The following CDCA2 variants were observed in gnomAD, a reference collection of about 807,000 sequenced individuals.
The protein encoded by CDCA2 is cell division cycle-associated protein 2.
Under a neutral mutation model 67.0 loss-of-function variants are expected in CDCA2, and 44 were observed. The ratio of observed to expected loss-of-function variants is 0.66; its 90% confidence interval spans 0.52 to 0.84. CDCA2 has a LOEUF of 0.84. Among genes scored for constraint, CDCA2 ranks in the 40% least tolerant of loss-of-function variants. The probability of loss-of-function intolerance (pLI) is 0.00; values close to 1 mark genes in which losing one functional copy is unlikely to be tolerated. For synonymous variants in CDCA2, 447 were observed against 418.7 expected (o/e 1.07, Z -0.82); for missense variants, 1,253 against 1,203.2 (o/e 1.04, Z -0.61).
chr8:25,492,189 A>C (rs1804036544), intron 13 of CDCA2, among the ~76,000 whole-genome samples: 1 of 151,778 alleles, frequency 6.6e-6, no homozygotes, highest in Non-Finnish European at 1.5e-5. Context: ...GGGCTCAATC[A>C]CTTCTCTCAC....
intron 4 of CDCA2, 108 bp from the exon 5 acceptor site, chr8:25,466,067 A>G (rs536346867): frequency 1.0e-6 from 1 of 976,018 alleles, no homozygotes; most frequent in East Asian, 3.0e-5. Context: ...CTGATCTTCA[A>G]AAAGCATATG....
At position 25,483,425 on chromosome 8, in the gene CDCA2, T is replaced by C. The variant is rs1586497617; in HGVS notation, c.1059T>C (p.Asp353=). The change falls in exon 9 of 15, where the codon GAT becomes GAC. Residue 353 remains aspartate, a synonymous_variant. Transcript: ENST00000330560. ...AACACTGTAACAACCTCTATGATGATGATGGGACTCATCCGAGCTTAATCT... is the reference window on the plus strand; with the variant it reads ...AACACTGTAACAACCTCTATGATGACGATGGGACTCATCCGAGCTTAATCT... ...LQEHCNNLYD[D]DGTHPSLISN... 6.2e-7 allele frequency: 1 copy of C among 1,610,578 alleles called. No homozygotes were observed. Among genetic ancestry groups the C allele is most frequent in the Non-Finnish European group, 8.5e-7 (1 of 1,178,470 alleles).
At chr8:25,462,279 G>T in intron 4 of CDCA2, 71 bp downstream of exon 4, 1 of 1,466,844 alleles carries the variant, frequency 6.8e-7, no homozygotes. Flanking sequence ...ACACCTTCTA[G>T]TGCATCTGCT....
Position 25,469,918 on chromosome 8 carries a change from C to A in CDCA2, c.758C>A (p.Thr253Lys). The change falls in exon 7 of 15, where the codon ACA becomes AAA. Residue 253 changes from threonine (T) to lysine (K), a missense_variant. Physicochemically the swap from Thr to Lys is moderately conservative, Grantham distance 78. Transcript: ENST00000330560. ...LSEISSKLGS[T>K]QSGFLVEESL... ...AAGATATCATCTAAACTTGGTTCAACACAGTCTGGATTTTTAGTTGAAGAG... is the reference window on the plus strand; with the variant it reads ...AAGATATCATCTAAACTTGGTTCAAAACAGTCTGGATTTTTAGTTGAAGAG... 1 of 1,611,040 alleles carries A rather than the reference C, an allele frequency of 6.2e-7. No individual in the cohort carries two copies. The highest frequency in any genetic ancestry group is 8.5e-7 in the Non-Finnish European group (1 of 1,178,102).
intron 4 of CDCA2, among the ~76,000 whole-genome samples, chr8:25,465,843 T>C (rs1353243959): frequency 6.6e-6 from 1 of 152,210 alleles, no homozygotes; most frequent in Non-Finnish European, 1.5e-5. Context: ...TGGCTTCCTA[T>C]GGATACATCC....
intron 3 of CDCA2, among the ~76,000 whole-genome samples, chr8:25,461,609 G>A (rs557114570): frequency 1.3e-5 from 2 of 152,158 alleles, no homozygotes; most frequent in African/African-American, 2.4e-5. Context: ...GCTGATGGTA[G>A]GTATCAGAAA....
intron 4 of CDCA2, among the ~76,000 whole-genome samples, chr8:25,465,787 G>A (rs1802874353): frequency 6.6e-6 from 1 of 152,220 alleles, no homozygotes; most frequent in African/African-American, 2.4e-5. Context: ...AGCTTGGACT[G>A]AAGGAGGTAT....
chr8:25,466,402 G>A (rs562080159), intron 5 of CDCA2, 77 bp downstream of exon 5: 2 of 1,338,868 alleles, frequency 1.5e-6, no homozygotes, highest in East Asian at 2.6e-5. Flanking sequence ...ATGATTTAGT[G>A]TGAAGCCAAT....
At chr8:25,484,919 TATAAG>T (rs1484709007) in intron 10 of CDCA2, among the ~76,000 whole-genome samples, 6 of 152,144 alleles carry the variant, frequency 3.9e-5, no homozygotes, top group Admixed American at 3.3e-4. Flanking sequence ...AGACAGGCAT[TATAAG>T]AGAAGAAAAC....
At chr8:25,492,698 G>A (rs1365497242) in intron 13 of CDCA2, among the ~76,000 whole-genome samples, 1 of 152,202 alleles carries the variant, frequency 6.6e-6, no homozygotes, top group Non-Finnish European at 1.5e-5. Flanking sequence ...TGGCAGAGCC[G>A]TGAAAAATGT....
intron 12 of CDCA2, among the ~76,000 whole-genome samples, 163 bp from the exon 13 acceptor site, chr8:25,488,389 C>T (rs754304903): frequency 6.6e-6 from 1 of 152,168 alleles, no homozygotes; most frequent in Admixed American, 6.5e-5. Context: ...ATTACCATTT[C>T]CACCAATTTT....
In CDCA2 at chr8:25,503,563, G is replaced by C; in HGVS notation, c.1843+19G>C. ...GGTTCAGGTATCCTGACATTTTCCT[G>C]GTAGTTATATTTTATCTTTTCTCTT... On this transcript the variant is annotated intron_variant, in intron 14 of 14. Transcript: ENST00000330560. 2 of 1,574,580 alleles carry C rather than the reference G, an allele frequency of 1.3e-6. No homozygotes were observed. The highest frequency in any genetic ancestry group is 2.8e-5 in the African/African-American group (2 of 72,540).
chr8:25,498,672 G>C (rs1010997596), intron 13 of CDCA2, among the ~76,000 whole-genome samples: 2 of 152,034 alleles, frequency 1.3e-5, no homozygotes, highest in African/African-American at 4.8e-5. Flanking sequence ...ATACAGCCGA[G>C]ATCCAGACAG....
rs542985774 is a variant in CDCA2 at position 25,502,175 on chromosome 8, G to A, written c.1672-1198G>A. Among the ~76,000 whole-genome samples the A allele has an allele frequency of 9.5e-4, 144 of 152,238 alleles. 1 individual carries two copies. The highest frequency in any genetic ancestry group is 2.9e-4 in the Non-Finnish European group (20 of 68,016). ...CTCCCAAAGTGCTGGGATTACAGGCGTAAGCCACCACGCCTGGCCTGTGTT... is the reference window on the plus strand; with the variant it reads ...CTCCCAAAGTGCTGGGATTACAGGCATAAGCCACCACGCCTGGCCTGTGTT... On this transcript the variant is annotated intron_variant, in intron 13 of 14. Coordinates refer to ENST00000330560, the MANE Select transcript of CDCA2 (RefSeq NM_152562.4).
Position 25,468,244 on chromosome 8 carries a change from A to C in CDCA2, c.566A>C (p.Gln189Pro). The C allele has an allele frequency of 6.2e-7, 1 of 1,609,656 alleles. No homozygotes were observed. The highest frequency in any genetic ancestry group is 8.5e-7 in the Non-Finnish European group (1 of 1,177,524). The stretch of plus-strand genomic sequence containing the variant: ...AGAAAGGAAGGTCTCAGCGCTTGCC[A>C]GCAGTCTGGGTTCCCTGCAGTGTTG... ...LTRKEGLSAC[Q>P]QSGFPAVLSS... Residue 189 changes from glutamine to proline, a missense_variant, in exon 6 of 15, where the codon CAG (glutamine) becomes CCG (proline). Coordinates refer to ENST00000330560, the MANE Select transcript of CDCA2 (RefSeq NM_152562.4).
At chr8:25,484,320 A>G in intron 10 of CDCA2, 110 bp downstream of exon 10, 1 of 1,369,196 alleles carries the variant, frequency 7.3e-7, no homozygotes, top group South Asian at 1.4e-5. Flanking sequence ...ACTAAATGAT[A>G]TGCCATGGTT....
chr8:25,505,496 C>T lies in CDCA2; in HGVS notation c.1844-1014C>T, dbSNP rs187217117. 5.3e-4 allele frequency among the ~76,000 whole-genome samples: 80 copies of T among 152,248 alleles called. 1 individual carries two copies. Among genetic ancestry groups the T allele is most frequent in the Admixed American group, 4.0e-3 (61 of 15,292 alleles). On this transcript the variant is annotated intron_variant, in intron 14 of 14. Coordinates refer to ENST00000330560, the MANE Select transcript of CDCA2 (RefSeq NM_152562.4). The stretch of plus-strand genomic sequence containing the variant: ...GATTACAGGCGTGAGCCACTGTGCT[C>T]GGCCATAAATATCAATTTTTAAAGC...
rs941772380 is a variant in CDCA2, at chr8:25,503,422, A to G, written c.1721A>G (p.Gln574Arg). ...KKKGKGKKSV[Q>R]KSLYGERDIA... is the part of the protein sequence containing the mutation. Reference sequence around the variant, plus strand: ...AAAGGAAAGGGAAAGAAAAGTGTTCAGAAATCTTTATATGGGGAAAGAGAC... The same window carrying G: ...AAAGGAAAGGGAAAGAAAAGTGTTCGGAAATCTTTATATGGGGAAAGAGAC... Residue 574 changes from glutamine (Q) to arginine (R), a missense_variant, in exon 14 of 15, where the codon CAG (glutamine) becomes CGG (arginine). Physicochemically the swap from Gln to Arg is conservative, Grantham distance 43 (BLOSUM62 1). Transcript: ENST00000330560. 9 of 1,614,046 alleles carry G rather than the reference A, an allele frequency of 5.6e-6. No individual in the cohort carries two copies. The highest frequency in any genetic ancestry group is 6.8e-6 in the Non-Finnish European group (8 of 1,179,976).
chr8:25,459,841 G>C (rs1374922176), intron 1 of CDCA2, among the ~76,000 whole-genome samples: 7 of 152,158 alleles, frequency 4.6e-5, no homozygotes, highest in Admixed American at 3.3e-4. Flanking sequence ...TGGGAAGGAA[G>C]TGGAGATGGT....
Sources: allele counts gnomAD v4.1 joint callset (sites outside exome capture counted in the v4.1 genomes callset), GRCh38; gene constraint gnomAD v4.1.1; transcripts MANE v1.5; gene names NCBI Gene and HGNC (gene_info 2026-07-23, HGNC 2026-07-21).